DCC: variants seen among roughly 807,000 people sequenced by gnomAD.
DCC encodes DCC netrin 1 receptor, also known as netrin receptor DCC.
A neutral mutation model predicts 172.5 loss-of-function variants in DCC; 58 were observed. The ratio of observed to expected loss-of-function variants is 0.34; its 90% confidence interval spans 0.27 to 0.42. The LOEUF (loss-of-function observed/expected upper bound fraction) is 0.42, where lower values mean the gene tolerates loss of function less well. Among genes scored for constraint, DCC ranks in the 10% least tolerant of loss-of-function variants. DCC has a pLI of 1.00. For missense variants in DCC, 1,740 were observed against 1,791.0 expected, an observed-to-expected ratio of 0.97 and a Z score of 0.51; for synonymous variants, 709 against 644.5, an observed-to-expected ratio of 1.10 and a Z score of -1.52.
At chr18:52,353,005 A>G (rs1984193070) in intron 1 of DCC, among the ~76,000 whole-genome samples, 2 of 152,172 alleles carry the variant, frequency 1.3e-5, no homozygotes, top group African/African-American at 4.8e-5. Flanking sequence ...CCTTGCCTCT[A>G]TTCTTCACAA....
intron 5 of DCC, among the ~76,000 whole-genome samples, chr18:52,994,459 T>G (rs1459841373): frequency 6.6e-6 from 1 of 152,148 alleles, no homozygotes; most frequent in Non-Finnish European, 1.5e-5. Flanking sequence ...GGAATTCATT[T>G]CATACCAGGC....
chr18:53,408,731 T>C (rs1412862828), intron 19 of DCC, among the ~76,000 whole-genome samples: 1 of 152,182 alleles, frequency 6.6e-6, no homozygotes, highest in Admixed American at 6.6e-5. Context: ...TATTTTATGA[T>C]CTGTACCTAT....
intron 1 of DCC, among the ~76,000 whole-genome samples, chr18:52,366,468 G>T (rs1984861556): frequency 6.6e-6 from 1 of 152,190 alleles, no homozygotes; most frequent in Non-Finnish European, 1.5e-5. Context: ...TTTTGTCAGG[G>T]CGCTGATTGG....
At chr18:53,023,344 A>T (rs2041908160) in intron 5 of DCC, among the ~76,000 whole-genome samples, 1 of 143,048 alleles carries the variant, frequency 7.0e-6, no homozygotes, top group South Asian at 2.4e-4. Context: ...AATAAAAAAA[A>T]AACATAAAAA....
intron 5 of DCC, among the ~76,000 whole-genome samples, chr18:52,939,327 T>C (rs1296127366): frequency 6.6e-6 from 1 of 152,212 alleles, no homozygotes; most frequent in Non-Finnish European, 1.5e-5. Flanking sequence ...TCCATTCTGA[T>C]TAAGACCATC....
At chr18:52,555,115 T>C (rs2032878007) in intron 1 of DCC, among the ~76,000 whole-genome samples, 1 of 152,080 alleles carries the variant, frequency 6.6e-6, no homozygotes. Context: ...TAGAGTGTTG[T>C]GCTAGCTGGC....
chr18:53,224,373 C>T (rs974465445), intron 12 of DCC, among the ~76,000 whole-genome samples: 11 of 152,124 alleles, frequency 7.2e-5, no homozygotes, highest in South Asian at 4.1e-4. Flanking sequence ...GAATAGAAGA[C>T]GGATTGCTGG....
intron 22 of DCC, among the ~76,000 whole-genome samples, chr18:53,444,514 A>C (rs1338090572): frequency 6.6e-6 from 1 of 152,150 alleles, no homozygotes; most frequent in African/African-American, 2.4e-5. Flanking sequence ...AAGAAAAGAA[A>C]AAAGAGAGAT....
At chr18:53,092,302 A>G (rs2043025340) in intron 7 of DCC, among the ~76,000 whole-genome samples, 2 of 152,160 alleles carry the variant, frequency 1.3e-5, no homozygotes, top group Non-Finnish European at 2.9e-5. Flanking sequence ...CAGATTTGGG[A>G]ACCGAAGTCG....
intron 12 of DCC, among the ~76,000 whole-genome samples, chr18:53,226,934 G>GTGTGTATA (rs34949557): frequency 5.9e-5 from 4 of 68,162 alleles, no homozygotes; most frequent in African/African-American, 2.5e-4. Context: ...GTGTGTGTGT[G>GTGTGTATA]TATATATATA....
intron 22 of DCC, among the ~76,000 whole-genome samples, chr18:53,442,569 C>T (rs1012766264): frequency 7.9e-5 from 12 of 152,136 alleles, no homozygotes; most frequent in African/African-American, 2.9e-4. Context: ...GAATTAATAA[C>T]CCTACAAGGC....
chr18:53,427,087 G>C (rs539146711), intron 21 of DCC, among the ~76,000 whole-genome samples: 1 of 152,084 alleles, frequency 6.6e-6, no homozygotes, highest in Admixed American at 6.6e-5. Context: ...GGATCATTCC[G>C]TGGCCTTTGA....
chr18:53,343,116 A>C (rs2057681674), intron 15 of DCC, among the ~76,000 whole-genome samples: 1 of 151,778 alleles, frequency 6.6e-6, no homozygotes, highest in African/African-American at 2.4e-5. Flanking sequence ...ATCTATGTGA[A>C]CAGAAAGTTT....
At chr18:53,078,615 T>TTTTTA (rs2042755341) in intron 7 of DCC, among the ~76,000 whole-genome samples, 2 of 152,160 alleles carry the variant, frequency 1.3e-5, no homozygotes, top group Non-Finnish European at 2.9e-5. Context: ...AAATAATATT[T>TTTTTA]TTTTATTTAA....
chr18:52,953,800 TAC>T (rs2040697005), intron 5 of DCC, among the ~76,000 whole-genome samples: 1 of 152,216 alleles, frequency 6.6e-6, no homozygotes, highest in Non-Finnish European at 1.5e-5. Flanking sequence ...CAGCTGACAT[TAC>T]AGTGTCTGCA....
At chr18:53,339,586 A>G (rs2057631794) in intron 14 of DCC, 127 bp from the exon 15 acceptor site, 2 of 786,812 alleles carry the variant, frequency 2.5e-6, no homozygotes, top group Admixed American at 1.8e-5. Context: ...ATAAAGAGTG[A>G]CTTGGGCAAT....
intron 9 of DCC, among the ~76,000 whole-genome samples, chr18:53,186,426 G>C (rs889500647): frequency 1.3e-5 from 2 of 152,096 alleles, no homozygotes; most frequent in African/African-American, 4.8e-5. Context: ...GAACATCTTC[G>C]GGGATATTGT....
chr18:53,147,508 T>C (rs2144366974), intron 7 of DCC, among the ~76,000 whole-genome samples: 1 of 152,348 alleles, frequency 6.6e-6, no homozygotes, highest in Admixed American at 6.5e-5. Flanking sequence ...CTCTTTTATT[T>C]GCTTCATTTT....
intron 5 of DCC, among the ~76,000 whole-genome samples, chr18:52,983,823 C>A (rs1329000351): frequency 1.3e-5 from 2 of 152,084 alleles, no homozygotes; most frequent in South Asian, 2.1e-4. Flanking sequence ...GGGCACGGTG[C>A]AGCATTCACA....
Sources: gnomAD v4.1 joint callset for allele counts (sites outside exome capture counted in the v4.1 genomes callset) on GRCh38, gnomAD v4.1.1 for gene constraint, MANE v1.5 for transcripts, NCBI Gene and HGNC (gene_info 2026-07-23, HGNC 2026-07-21) for gene names.